Variants in KNSTRN observed in about 807,000 individuals in gnomAD.
KNSTRN encodes small kinetochore-associated protein.
KNSTRN carries 38 observed loss-of-function variants against 44.7 expected under a neutral mutation model. The observed-to-expected ratio is 0.85, with a 90% CI of 0.66 to 1.11. KNSTRN has a LOEUF of 1.11. Ranked by LOEUF, KNSTRN falls within the 50% of genes most tolerant of loss-of-function variation. KNSTRN has a pLI of 0.00. For missense variants in KNSTRN, 406 were observed against 375.8 expected (o/e 1.08, Z -0.66); for synonymous variants, 158 against 148.1 (o/e 1.07, Z -0.48).
At chr15:40,386,695 T>G (rs2141273356) in intron 3 of KNSTRN, 1 of 591,416 alleles carries the variant, frequency 1.7e-6, no homozygotes, top group South Asian at 2.2e-5. Context: ...GCCAGAGTTA[T>G]AAGAGGTGTT....
intron 2 of KNSTRN, chr15:40,383,585 C>T: frequency 2.5e-6 from 1 of 393,570 alleles, no homozygotes; most frequent in South Asian, 5.3e-5. Flanking sequence ...GGTTATTGTA[C>T]AATGTTATTC....
At chr15:40,389,974 A>G (rs1291135837) in intron 6 of KNSTRN, 45 bp downstream of exon 6, 2 of 1,480,300 alleles carry the variant, frequency 1.4e-6, no homozygotes, top group Non-Finnish European at 9.5e-7. Context: ...GAATTGGTGC[A>G]TGTGCCCCTT....
rs1311254392 is a variant in KNSTRN at position 40,387,201 on chromosome 15, A to G, written c.480A>G (p.Arg160=). Residue 160 remains arginine, a synonymous_variant, in exon 4 of 9, where the codon AGA becomes AGG. Transcript: ENST00000249776. ...ATDTATRRNV[R]KGYKPLSKQK... is the part of the protein sequence containing the mutation. ...ACACTGCCACCAGAAGGAATGTCAG[A>G]AAAGGGTGAGCATCAGGGTAAATCA... 6.2e-7 allele frequency: 1 copy of G among 1,611,760 alleles called. No homozygotes were observed. Among genetic ancestry groups the G allele is most frequent in the Admixed American group, 1.7e-5 (1 of 59,996 alleles).
chr15:40,393,275 T>C (rs753180572), intron 8 of KNSTRN, 194 bp from the exon 9 acceptor site: 28 of 1,612,476 alleles, frequency 1.7e-5, no homozygotes, highest in Non-Finnish European at 2.3e-5. Context: ...CTAGTCCCTC[T>C]CTACTACTAG....
chr15:40,384,273 C>T (rs1566921986), intron 2 of KNSTRN: 3 of 294,116 alleles, frequency 1.0e-5, no homozygotes, highest in Non-Finnish European at 2.0e-5. Flanking sequence ...ACTTGGGAGG[C>T]TGAGGCAGGA....
At chr15:40,391,394 C>A (rs1889993908) in intron 6 of KNSTRN, 99 bp from the exon 7 acceptor site, 3 of 945,516 alleles carry the variant, frequency 3.2e-6, no homozygotes, top group African/African-American at 3.3e-5. Flanking sequence ...AGAAATTCCC[C>A]TCATGAATAT....
In KNSTRN at chr15:40,389,501, T is replaced by TA; in HGVS notation, c.486-4dup. On this transcript the variant is annotated splice_region_variant and splice_polypyrimidine_tract_variant and intron_variant, in intron 4 of 8. Transcript: ENST00000249776. ...CTTTTCATGTAAGTACAACTATTATTACAGCTACAAACCACTGAGTAAGCA... is the reference window on the plus strand; with the variant it reads ...CTTTTCATGTAAGTACAACTATTATTAACAGCTACAAACCACTGAGTAAGCA... 2 of 1,608,630 alleles carry TA rather than the reference T, an allele frequency of 1.2e-6. No individual in the cohort carries two copies. The highest frequency in any genetic ancestry group is 1.7e-6 in the Non-Finnish European group (2 of 1,175,092).
Position 40,383,317 on chromosome 15 carries a change from CGGCAGGTGA to C in KNSTRN, c.302_304+6del. 6.2e-7 allele frequency: 1 copy of C among 1,610,790 alleles called. No individual in the cohort carries two copies. The highest frequency in any genetic ancestry group is 1.1e-5 in the South Asian group (1 of 90,968). On this transcript the variant is annotated splice_donor_variant and splice_donor_region_variant and coding_sequence_variant and intron_variant, in exon 2 of 9. Transcript: ENST00000249776. LOFTEE classifies it high-confidence loss of function. ...CCCTCTGCGCTGAGCGGCGGCCAGCCGGCAGGTGAGGGTCCAAGCCACGCCCGGGGCACT... is the reference window on the plus strand; with the variant it reads ...CCCTCTGCGCTGAGCGGCGGCCAGCCGGGTCCAAGCCACGCCCGGGGCACT...
intron 7 of KNSTRN, 99 bp downstream of exon 7, chr15:40,391,653 C>T (rs1889999978): frequency 1.0e-6 from 1 of 997,672 alleles, no homozygotes; most frequent in Admixed American, 2.1e-5. Context: ...CTCCAAGAAA[C>T]AGCCTTTGAT....
chr15:40,393,181 G>A, intron 8 of KNSTRN: 2 of 1,613,488 alleles, frequency 1.2e-6, no homozygotes, highest in Admixed American at 3.3e-5. Flanking sequence ...TCTTTGGTCT[G>A]GACTGTTTCA....
At position 40,389,312 on chromosome 15, in the gene KNSTRN, C is replaced by G. The variant is rs1165730150; in HGVS notation, c.486-194C>G. ...TACAGGCATGCGCCACCACGCCTGACTAATCTTTTGTAATTTTAGTAGAGA... is the reference window on the plus strand; with the variant it reads ...TACAGGCATGCGCCACCACGCCTGAGTAATCTTTTGTAATTTTAGTAGAGA... On this transcript the variant is annotated intron_variant, in intron 4 of 8. Transcript: ENST00000249776. 7.5e-6 allele frequency: 4 copies of G among 533,714 alleles called. No individual in the cohort carries two copies. The South Asian group carries it at 7.6e-5, about 10-fold the overall frequency. 33.1% of individuals were successfully genotyped at this position (533,714 alleles called of 1,614,324 possible).
chr15:40,389,379 G>T (rs1000323465), intron 4 of KNSTRN, 127 bp from the exon 5 acceptor site: 1 of 658,610 alleles, frequency 1.5e-6, no homozygotes, highest in Admixed American at 2.6e-5. Context: ...TTGATTTCCC[G>T]ACCTCAGGTG....
intron 2 of KNSTRN, chr15:40,384,831 C>T (rs1889877409): frequency 6.3e-6 from 1 of 159,744 alleles, no homozygotes; most frequent in Non-Finnish European, 1.4e-5. Flanking sequence ...CTCCCAGTGT[C>T]TCCCATTTTT....
At chr15:40,390,195 A>G (rs912967294) in intron 6 of KNSTRN, among the ~76,000 whole-genome samples, 4 of 152,224 alleles carry the variant, frequency 2.6e-5, no homozygotes, top group African/African-American at 9.6e-5. Context: ...AACAGGTATG[A>G]CCTTGCAAAT....
chr15:40,389,576 A>G lies in KNSTRN; in HGVS notation c.556A>G (p.Asn186Asp). 1.9e-6 allele frequency: 3 copies of G among 1,614,122 alleles called. No homozygotes were observed. Among genetic ancestry groups the G allele is most frequent in the Non-Finnish European group, 2.5e-6 (3 of 1,179,952 alleles). The stretch of plus-strand genomic sequence containing the variant: ...CAAGAACCAGCTGTTAGAAGCCGTC[A>G]ACAAGCAGTTGCACCAGAAGTTGAC... Reference protein sequence around the residue: ...KDKNQLLEAVNKQLHQKLTET... With the variant: ...KDKNQLLEAVDKQLHQKLTET... The change falls in exon 5 of 9, where the codon AAC becomes GAC. Residue 186 changes from asparagine (N) to aspartate (D), a missense_variant. Coordinates refer to ENST00000249776, the MANE Select transcript of KNSTRN (RefSeq NM_033286.4).
In KNSTRN at chr15:40,391,491, A is replaced by G. The variant is rs1889995510; in HGVS notation, c.686-2A>G. ...TGAGATTGACTTTGTTGTATCCATC[A>G]GCTTTAGGCAGTGAGACCCTGGCAT... On this transcript the variant is annotated splice_acceptor_variant, in intron 6 of 8. Coordinates refer to ENST00000249776, the MANE Select transcript of KNSTRN (RefSeq NM_033286.4). LOFTEE classifies it high-confidence loss of function. 1.9e-6 allele frequency: 3 copies of G among 1,613,168 alleles called. No homozygotes were observed. The highest frequency in any genetic ancestry group is 2.5e-6 in the Non-Finnish European group (3 of 1,179,338).
Position 40,390,111 on chromosome 15 carries a change from T to C in KNSTRN, c.685+182T>C, listed in dbSNP as rs186956364. ...GTGATGTTGATTTTTGCCTGGCCAATAGGATTTCAGATGATTATAGAGAGA... is the reference window on the plus strand; with the variant it reads ...GTGATGTTGATTTTTGCCTGGCCAACAGGATTTCAGATGATTATAGAGAGA... On this transcript the variant is annotated intron_variant, in intron 6 of 8. Coordinates refer to ENST00000249776, the MANE Select transcript of KNSTRN (RefSeq NM_033286.4). 8.3e-4 allele frequency among the ~76,000 whole-genome samples: 126 copies of C among 152,352 alleles called. 1 individual carries two copies. Among genetic ancestry groups the C allele is most frequent in the African/African-American group, 3.0e-3 (123 of 41,594 alleles).
chr15:40,386,587 C>A, intron 3 of KNSTRN, 93 bp downstream of exon 3: 1 of 1,368,362 alleles, frequency 7.3e-7, no homozygotes, highest in Non-Finnish European at 1.0e-6. Flanking sequence ...CAACACAAGT[C>A]TCCTGAACAA....
chr15:40,386,582 C>A, intron 3 of KNSTRN, 88 bp downstream of exon 3: 1 of 1,421,174 alleles, frequency 7.0e-7, no homozygotes, highest in Non-Finnish European at 9.6e-7. Flanking sequence ...TTGGACAACA[C>A]AAGTCTCCTG....
Sources: allele counts gnomAD v4.1 joint callset (sites outside exome capture counted in the v4.1 genomes callset), GRCh38; gene constraint gnomAD v4.1.1; transcripts MANE v1.5; gene names NCBI Gene and HGNC (gene_info 2026-07-23, HGNC 2026-07-21).